Variants in RHOA observed in about 807,000 individuals in gnomAD.
RHOA encodes the protein transforming protein RhoA.
A neutral mutation model predicts 17.5 loss-of-function variants in RHOA; 3 were observed. The ratio of observed to expected loss-of-function variants is 0.17; its 90% CI spans 0.08 to 0.44. The LOEUF (loss-of-function observed/expected upper bound fraction) is 0.44. Ranked by LOEUF, RHOA falls within the 20% of genes least tolerant of loss-of-function variation. The pLI is 0.99. For missense variants in RHOA, 56 were observed against 242.3 expected (o/e 0.23, Z 5.10); for synonymous variants, 98 against 88.4 (o/e 1.11, Z -0.61).
chr3:49,369,238 T>A (rs2048111738), intron 2 of RHOA, among the ~76,000 whole-genome samples: 1 of 149,636 alleles, frequency 6.7e-6, no homozygotes, highest in Admixed American at 6.7e-5. Context: ...TTAGCCAGGA[T>A]GGTCTTGATC....
rs530597358 is a variant in RHOA at position 49,372,895 on chromosome 3, A to G, written c.156+2539T>C. Among the ~76,000 whole-genome samples the G allele has an allele frequency of 2.0e-5, 3 of 152,256 alleles. No homozygotes were observed. In the South Asian group the frequency reaches 6.2e-4, roughly 32 times the overall value. ...ACCGTTTTACAAATGAGGAAGGCTCAAAGGTCAGGAGCTTACTGATGGTCA... is the reference window on the plus strand; with the variant it reads ...ACCGTTTTACAAATGAGGAAGGCTCGAAGGTCAGGAGCTTACTGATGGTCA... On this transcript the variant is annotated intron_variant, in intron 2 of 4. Transcript: ENST00000418115.
chr3:49,397,257 T>C (rs2048631705), intron 1 of RHOA, among the ~76,000 whole-genome samples: 1 of 151,438 alleles, frequency 6.6e-6, no homozygotes, highest in Non-Finnish European at 1.5e-5. Context: ...ATATCCAGAA[T>C]AGGCAAATCT....
intron 2 of RHOA, among the ~76,000 whole-genome samples, chr3:49,375,068 T>C (rs1307891794): frequency 6.6e-6 from 1 of 151,816 alleles, no homozygotes; most frequent in Non-Finnish European, 1.5e-5. Flanking sequence ...GTCAGAAGTT[T>C]GAGACCAGCC....
chr3:49,407,245 T>G (rs1477927855), intron 1 of RHOA, among the ~76,000 whole-genome samples: 3 of 142,590 alleles, frequency 2.1e-5, no homozygotes, highest in South Asian at 2.4e-4. Flanking sequence ...TTTTTTTTTT[T>G]TTTTTTTTTT....
chr3:49,378,989 A>C (rs2107856617), intron 1 of RHOA, among the ~76,000 whole-genome samples: 1 of 152,308 alleles, frequency 6.6e-6, no homozygotes, highest in South Asian at 2.1e-4. Context: ...AAAATGAGCA[A>C]AGGATGTGAG....
chr3:49,403,987 A>C (rs1264991403), intron 1 of RHOA, among the ~76,000 whole-genome samples: 2 of 151,548 alleles, frequency 1.3e-5, no homozygotes, highest in African/African-American at 4.8e-5. Flanking sequence ...AGGTACTACA[A>C]ACTGTAACCT....
chr3:49,408,823 C>G (rs1233461533), intron 1 of RHOA, among the ~76,000 whole-genome samples: 1 of 150,236 alleles, frequency 6.7e-6, no homozygotes, highest in Non-Finnish European at 1.5e-5. Context: ...GACGGAGTCT[C>G]GCTCTGTTGC....
intron 1 of RHOA, among the ~76,000 whole-genome samples, chr3:49,388,195 T>TGTG (rs943120397): frequency 1.3e-5 from 2 of 151,466 alleles, no homozygotes; most frequent in African/African-American, 4.9e-5. Context: ...TTTGTGTGGG[T>TGTG]GTGTGTGTGG....
chr3:49,369,603 C>T (rs1443566016), intron 2 of RHOA, among the ~76,000 whole-genome samples: 4 of 151,780 alleles, frequency 2.6e-5, no homozygotes, highest in East Asian at 2.0e-4. Flanking sequence ...GGCACGGCAG[C>T]GTGCGCCTGT....
At chr3:49,403,842 C>A (rs1052590794) in intron 1 of RHOA, among the ~76,000 whole-genome samples, 3 of 152,060 alleles carry the variant, frequency 2.0e-5, no homozygotes, top group African/African-American at 7.2e-5. Flanking sequence ...ATTTGGGGAA[C>A]TGGATTCCAA....
chr3:49,364,186 T>C (rs1457484838), intron 3 of RHOA, among the ~76,000 whole-genome samples: 1 of 151,402 alleles, frequency 6.6e-6, no homozygotes, highest in Admixed American at 6.6e-5. Context: ...CCCATCTCTA[T>C]TAAAAATACA....
At chr3:49,377,944 T>A (rs566435371) in intron 1 of RHOA, among the ~76,000 whole-genome samples, 2 of 151,444 alleles carry the variant, frequency 1.3e-5, no homozygotes, top group African/African-American at 4.9e-5. Flanking sequence ...AGGTCAGGAG[T>A]TCGAGACCAG....
At chr3:49,390,770 G>T (rs764154271) in intron 1 of RHOA, among the ~76,000 whole-genome samples, 5 of 152,164 alleles carry the variant, frequency 3.3e-5, no homozygotes, top group Admixed American at 2.6e-4. Flanking sequence ...AAGGTAAAAG[G>T]CGTCATGGAT....
chr3:49,369,859 G>A (rs114738417), intron 2 of RHOA, among the ~76,000 whole-genome samples: 3,667 of 152,282 alleles, frequency 0.024, 61 homozygotes, highest in Middle Eastern at 0.041. Context: ...CCTGAAGTCG[G>A]AAGTTCGAGA....
rs1434177929 is a variant in RHOA at position 49,360,254 on chromosome 3, C to G, written c.537G>C (p.Leu179=). 6.2e-7 allele frequency: 1 copy of G among 1,614,090 alleles called. No homozygotes were observed. Among genetic ancestry groups the G allele is most frequent in the Non-Finnish European group, 8.5e-7 (1 of 1,180,008 alleles). ...EVFEMATRAA[L]QARRGKKKSG... is the part of the protein sequence containing the mutation. ...ATTTTTTCTTCCCACGTCTAGCTTG[C>G]AGAGCAGCTCTCGTAGCCATTTCAA... is the stretch of plus-strand genomic sequence containing the variant. Residue 179 remains leucine, a synonymous_variant, in exon 5 of 5, where the codon CTG becomes CTC. Transcript: ENST00000418115.
rs539216533 is a variant in RHOA, at chr3:49,359,356, A to C, written c.*853T>G. Reference sequence around the variant, plus strand: ...GTGAGACAGGTTATGCCATCTTCCAAAGTGTCTAATTGCCTCAGGCGTGAA... The same window carrying C: ...GTGAGACAGGTTATGCCATCTTCCACAGTGTCTAATTGCCTCAGGCGTGAA... On this transcript the variant is annotated 3_prime_UTR_variant, in exon 5 of 5. Transcript: ENST00000418115. 6 of 188,382 alleles carry C rather than the reference A, an allele frequency of 3.2e-5. 1 individual carries two copies. The South Asian group carries it at 1.2e-3, about 37-fold the overall frequency. 11.7% of individuals were successfully genotyped at this position (188,382 alleles called of 1,614,324 possible).
In RHOA at chr3:49,362,754, C is replaced by T. The variant is rs560592273; in HGVS notation, c.278-128G>A. 52 of 741,780 alleles carry T rather than the reference C, an allele frequency of 7.0e-5. 1 individual carries two copies. In the African/African-American group the frequency reaches 8.5e-4, roughly 12 times the overall value. The allele number at this position is 741,780 out of a possible 1,614,324, so 45.9% of individuals were successfully genotyped here. A position where few individuals can be genotyped will look rare whatever the true frequency, so the allele number is the denominator to read the frequency against. ...GAAAAATGCTAGACATTTAATGAAA[C>T]TCACTAGTTTCAAAACCATAAAAAG... On this transcript the variant is annotated intron_variant, in intron 3 of 4. Coordinates refer to ENST00000418115, the MANE Select transcript of RHOA (RefSeq NM_001664.4).
intron 1 of RHOA, among the ~76,000 whole-genome samples, 175 bp downstream of exon 1, chr3:49,411,645 C>T (rs569813055): frequency 6.6e-6 from 1 of 151,694 alleles, no homozygotes; most frequent in East Asian, 1.9e-4. Context: ...GGGGTCGCCG[C>T]TTGGGGCGCG....
intron 3 of RHOA, among the ~76,000 whole-genome samples, chr3:49,366,405 G>A (rs1332556922): frequency 1.3e-5 from 2 of 152,152 alleles, no homozygotes; most frequent in East Asian, 1.9e-4. Flanking sequence ...AAGTTTGAGA[G>A]AAGCCTGGCC....
Sources: allele counts gnomAD v4.1 joint callset (sites outside exome capture counted in the v4.1 genomes callset), GRCh38; gene constraint gnomAD v4.1.1; transcripts MANE v1.5; gene names NCBI Gene and HGNC (gene_info 2026-07-23, HGNC 2026-07-21).